MIER1: variants seen among roughly 807,000 people sequenced by gnomAD.
MIER1 encodes mesoderm induction early response protein 1.
Under a neutral mutation model 75.7 loss-of-function variants are expected in MIER1, and 40 were observed. That is an observed-to-expected ratio of 0.53 (90% confidence interval 0.41 to 0.69). The LOEUF (loss-of-function observed/expected upper bound fraction) is 0.69, where lower values mean the gene tolerates loss of function less well. Among genes scored for constraint, MIER1 ranks in the 30% least tolerant of loss-of-function variants. The probability of loss-of-function intolerance (pLI) is 0.00; values close to 1 mark genes in which losing one functional copy is unlikely to be tolerated. For synonymous variants in MIER1, 213 were observed against 223.4 expected, an observed-to-expected ratio of 0.95 and a Z score of 0.42; for missense variants, 574 against 680.2, an observed-to-expected ratio of 0.84 and a Z score of 1.74.
intron 9 of MIER1, 100 bp downstream of exon 9, chr1:66,971,059 A>T (rs1034771744): frequency 9.2e-7 from 1 of 1,082,472 alleles, no homozygotes; most frequent in African/African-American, 1.7e-5. Flanking sequence ...AACTTTTTAT[A>T]ACATTATTGA....
At position 66,987,286 on chromosome 1, in the gene MIER1, A is replaced by G. The variant is rs1666902407; in HGVS notation, c.*2386A>G. 1 of 151,650 alleles carries G rather than the reference A, an allele frequency of 6.6e-6. No homozygotes were observed. The highest frequency in any genetic ancestry group is 6.6e-5 in the Admixed American group (1 of 15,226). The allele number at this position is 151,650 out of a possible 1,614,324, so 9.4% of individuals were successfully genotyped here. A position where few individuals can be genotyped will look rare whatever the true frequency, so the allele number is the denominator to read the frequency against. On this transcript the variant is annotated 3_prime_UTR_variant, in exon 14 of 14. Coordinates refer to ENST00000401041, the MANE Select transcript of MIER1 (RefSeq NM_001077700.3). ...CTATTTAAAAAGTTTTAGTAATATC[A>G]TGAATTTAATTTGCTTAAGATTTAG... is the stretch of plus-strand genomic sequence containing the variant.
At chr1:66,940,093 A>T in intron 3 of MIER1, 41 bp downstream of exon 3, 1 of 1,473,762 alleles carries the variant, frequency 6.8e-7, no homozygotes, top group Non-Finnish European at 9.5e-7. Flanking sequence ...GATTTGAGTA[A>T]CATTTGTCCT....
At chr1:66,981,675 T>G in intron 12 of MIER1, 104 bp from the exon 13 acceptor site, 1 of 822,530 alleles carries the variant, frequency 1.2e-6, no homozygotes, top group Non-Finnish European at 1.9e-6. Context: ...GAATGTTAAG[T>G]GAATATTAGG....
intron 8 of MIER1, among the ~76,000 whole-genome samples, chr1:66,969,685 T>G (rs566295744): frequency 1.8e-4 from 28 of 152,160 alleles, no homozygotes; most frequent in Non-Finnish European, 8.8e-5. Context: ...TTTCTCAGGC[T>G]GGCTCCTTCC....
At chr1:66,971,587 T>C in intron 9 of MIER1, 68 bp from the exon 10 acceptor site, 1 of 812,026 alleles carries the variant, frequency 1.2e-6, no homozygotes, top group Admixed American at 2.6e-5. Context: ...TTTGAAAAAC[T>C]TTTAAGAAAT....
intron 8 of MIER1, among the ~76,000 whole-genome samples, chr1:66,966,257 T>C (rs1456559396): frequency 2.0e-5 from 3 of 152,182 alleles, no homozygotes; most frequent in Non-Finnish European, 2.9e-5. Context: ...CATTGTTCAC[T>C]TCCCACCTAT....
At chr1:66,981,977 A>C in intron 13 of MIER1, 59 bp downstream of exon 13, 1 of 1,573,194 alleles carries the variant, frequency 6.4e-7, no homozygotes. Context: ...TCTTGCAGTG[A>C]CTTGGGAAAT....
At chr1:66,936,587 T>A (rs1654895164) in intron 2 of MIER1, among the ~76,000 whole-genome samples, 1 of 152,084 alleles carries the variant, frequency 6.6e-6, no homozygotes, top group African/African-American at 2.4e-5. Flanking sequence ...ATGGTAGATG[T>A]TGTGGGTTCT....
At chr1:66,947,720 C>A (rs1423320925) in intron 4 of MIER1, 1 of 153,114 alleles carries the variant, frequency 6.5e-6, no homozygotes, top group African/African-American at 2.4e-5. Context: ...TCCCAGCTTC[C>A]TGTTATATCC....
At chr1:66,968,842 G>C (rs1662963779) in intron 8 of MIER1, among the ~76,000 whole-genome samples, 1 of 152,130 alleles carries the variant, frequency 6.6e-6, no homozygotes, top group South Asian at 2.1e-4. Flanking sequence ...AGCATTACTG[G>C]TAAGTAGGTC....
chr1:66,966,144 T>C lies in MIER1; in HGVS notation c.772+2984T>C, dbSNP rs544091330. Among the ~76,000 whole-genome samples the C allele has an allele frequency of 2.0e-5, 3 of 152,288 alleles. No homozygotes were observed. The East Asian group carries it at 5.8e-4, about 29-fold the overall frequency. ...TTGGTGTGCTGCACCCATTAACTTG[T>C]CATGTACATTAGGTATATCTCCTAA... On this transcript the variant is annotated intron_variant, in intron 8 of 13. Transcript: ENST00000401041.
At chr1:66,959,618 A>C in intron 6 of MIER1, 61 bp from the exon 7 acceptor site, 1 of 790,480 alleles carries the variant, frequency 1.3e-6, no homozygotes, top group South Asian at 2.0e-5. Context: ...TGTAAAAATA[A>C]TATGTAGATT....
At chr1:66,946,063 T>A (rs973573432) in intron 3 of MIER1, 87 bp from the exon 4 acceptor site, 3 of 1,260,160 alleles carry the variant, frequency 2.4e-6, no homozygotes, top group Non-Finnish European at 2.2e-6. Flanking sequence ...TTGACTTACA[T>A]CCAGCATCAA....
In MIER1 at chr1:66,964,813, T is replaced by C. The variant is rs927945204; in HGVS notation, c.772+1653T>C. Among the ~76,000 whole-genome samples, 25 of 152,284 alleles carry C rather than the reference T, an allele frequency of 1.6e-4. 1 individual carries two copies. The Middle Eastern group carries it at 0.01, about 62-fold the overall frequency. On this transcript the variant is annotated intron_variant, in intron 8 of 13. Coordinates refer to ENST00000401041, the MANE Select transcript of MIER1 (RefSeq NM_001077700.3). The stretch of plus-strand genomic sequence containing the variant: ...CATCACTCAGGACTAGAAATCTTTA[T>C]TTCTTTTATTTCAGTTTTCTTCACA...
At chr1:66,969,578 A>G (rs994533046) in intron 8 of MIER1, among the ~76,000 whole-genome samples, 1 of 134,458 alleles carries the variant, frequency 7.4e-6, no homozygotes, top group Non-Finnish European at 1.6e-5. Context: ...AAAAAAAATC[A>G]TTGCCTGGTA....
At chr1:66,952,257 A>G (rs1438421908) in intron 4 of MIER1, among the ~76,000 whole-genome samples, 1 of 152,220 alleles carries the variant, frequency 6.6e-6, no homozygotes, top group Non-Finnish European at 1.5e-5. Flanking sequence ...AGTTGAAGTA[A>G]GCCCTTGAGT....
intron 2 of MIER1, among the ~76,000 whole-genome samples, chr1:66,936,386 TA>T (rs529290454): frequency 1.2e-3 from 169 of 142,386 alleles, no homozygotes; most frequent in Middle Eastern, 3.6e-3. Flanking sequence ...AATTTTTTAT[TA>T]AAAAAAAAAA....
chr1:66,969,093 G>A (rs1663022386), intron 8 of MIER1, among the ~76,000 whole-genome samples: 2 of 152,254 alleles, frequency 1.3e-5, no homozygotes, highest in African/African-American at 2.4e-5. Context: ...AACTAGGATT[G>A]TACCAGCAGA....
chr1:66,945,880 C>G (rs1657519866), intron 3 of MIER1, among the ~76,000 whole-genome samples: 1 of 152,082 alleles, frequency 6.6e-6, no homozygotes. Context: ...AGACTTTTTT[C>G]CACACGAAAA....
Sources: gnomAD v4.1 joint callset for allele counts (sites outside exome capture counted in the v4.1 genomes callset) on GRCh38, gnomAD v4.1.1 for gene constraint, MANE v1.5 for transcripts, NCBI Gene and HGNC (gene_info 2026-07-23, HGNC 2026-07-21) for gene names.